The following CDKN1A variants were observed in gnomAD, a reference collection of about 807,000 sequenced individuals.
The protein encoded by CDKN1A is cyclin-dependent kinase inhibitor 1.
CDKN1A carries 14 observed loss-of-function variants against 14.8 expected under a neutral mutation model. That is an observed-to-expected ratio of 0.94 (90% CI 0.62 to 1.48). The LOEUF (loss-of-function observed/expected upper bound fraction) is 1.48, where lower values mean the gene tolerates loss of function less well. CDKN1A is among the 40% of genes most tolerant of loss of function. The pLI is 0.00. For synonymous variants in CDKN1A, 92 were observed against 93.5 expected (o/e 0.98, Z 0.09); for missense variants, 203 against 231.7 (o/e 0.88, Z 0.80).
intron 1 of CDKN1A, among the ~76,000 whole-genome samples, chr6:36,679,302 C>T (rs971052294): frequency 2.6e-5 from 4 of 152,224 alleles, no homozygotes; most frequent in African/African-American, 9.6e-5. Flanking sequence ...TCTGCGCCGC[C>T]CTGGCCCAGG....
chr6:36,677,541 T>G, upstream of CDKN1A: 1 of 284,330 alleles, frequency 3.5e-6, no homozygotes, highest in Non-Finnish European at 6.9e-6. Flanking sequence ...AGGTCAGGGG[T>G]GTGAGGTAGA....
In CDKN1A at chr6:36,686,574, T is replaced by C. The variant is rs6457937; in HGVS notation, c.*774T>C. 229,473 of 233,950 alleles carry C rather than the reference T, an allele frequency of 0.98. 112,554 individuals carry two copies. Among genetic ancestry groups the C allele is most frequent in the East Asian group, 1 (16,562 of 16,574 alleles). The allele number at this position is 233,950 out of a possible 1,614,324, so 14.5% of individuals were successfully genotyped here. A position where few individuals can be genotyped will look rare whatever the true frequency, so the allele number is the denominator to read the frequency against. ...CTTTTGAGGAGCCCCAGCTACCCTT[T>C]TTCTCCAGCTGGGCTCTGCAATTCC... On this transcript the variant is annotated 3_prime_UTR_variant, in exon 3 of 3. Transcript: ENST00000244741. The surrounding 1 kb of genome is among the most constrained non-coding windows in gnomAD (Gnocchi z 4.9).
Position 36,684,327 on chromosome 6 carries a change from C to T in CDKN1A, c.226C>T (p.Leu76Phe), listed in dbSNP as rs2150313683. Residue 76 changes from leucine (L) to phenylalanine (F), a missense_variant, in exon 2 of 3, where the codon CTC becomes TTC. Physicochemically the swap from Leu to Phe is conservative, Grantham distance 22. Coordinates refer to ENST00000244741, the MANE Select transcript of CDKN1A (RefSeq NM_000389.5). The surrounding 1 kb of genome is among the most constrained non-coding windows in gnomAD (Gnocchi z 6.0). ...TGTGCGGGGCCTTGGCCTGCCCAAG[C>T]TCTACCTTCCCACGGGGCCCCGGCG... Reference protein sequence around the residue: ...ERVRGLGLPKLYLPTGPRRGR... With the variant: ...ERVRGLGLPKFYLPTGPRRGR... 1 of 1,613,500 alleles carries T rather than the reference C, an allele frequency of 6.2e-7. No individual in the cohort carries two copies. The highest frequency in any genetic ancestry group is 8.5e-7 in the Non-Finnish European group (1 of 1,180,002).
At chr6:36,681,406 TTC>T (rs1491550511) in intron 1 of CDKN1A, among the ~76,000 whole-genome samples, 11,295 of 62,662 alleles carry the variant, frequency 0.18, 1,301 homozygotes, top group East Asian at 0.36. Context: ...TCTTTCTTTC[TTC>T]CTTTCTCTTT....
intron 1 of CDKN1A, among the ~76,000 whole-genome samples, chr6:36,679,740 C>A (rs1761840258): frequency 6.6e-6 from 1 of 152,152 alleles, no homozygotes; most frequent in Non-Finnish European, 1.5e-5. Flanking sequence ...GTCTCCTCTA[C>A]CTCTTTCCCA....
chr6:36,682,158 T>G (rs542852723), intron 1 of CDKN1A, among the ~76,000 whole-genome samples: 9 of 152,266 alleles, frequency 5.9e-5, no homozygotes, highest in Non-Finnish European at 1.5e-5. Context: ...GTTCAGATCC[T>G]GGCTGTGCCA....
intron 1 of CDKN1A, among the ~76,000 whole-genome samples, chr6:36,681,624 G>T (rs3176339): frequency 0.056 from 6,606 of 118,190 alleles, 265 homozygotes; most frequent in South Asian, 0.16. Flanking sequence ...ATGCGGTCTC[G>T]CTCTGTCACC....
intron 1 of CDKN1A, among the ~76,000 whole-genome samples, chr6:36,679,205 G>T (rs141423474): frequency 6.6e-4 from 101 of 152,354 alleles, no homozygotes; most frequent in African/African-American, 2.2e-3. Context: ...GATGAAGTCC[G>T]TGTCCCTGGA....
chr6:36,685,995 G>C lies in CDKN1A; in HGVS notation c.*195G>C, dbSNP rs191431994. 1.3e-5 allele frequency: 8 copies of C among 629,676 alleles called. No individual in the cohort carries two copies. In the East Asian group the frequency reaches 2.2e-4, roughly 17 times the overall value. The allele number at this position is 629,676 out of a possible 1,614,324, so 39.0% of individuals were successfully genotyped here. A position where few individuals can be genotyped will look rare whatever the true frequency, so the allele number is the denominator to read the frequency against. On this transcript the variant is annotated 3_prime_UTR_variant, in exon 3 of 3. Coordinates refer to ENST00000244741, the MANE Select transcript of CDKN1A (RefSeq NM_000389.5). Reference sequence around the variant, plus strand: ...AGAATTATTTAAACAAAAACTAGGCGGTTGAATGAGAGGTTCCTAAGAGTG... The same window carrying C: ...AGAATTATTTAAACAAAAACTAGGCCGTTGAATGAGAGGTTCCTAAGAGTG...
Position 36,686,363 on chromosome 6 carries a change from C to G in CDKN1A, c.*563C>G, listed in dbSNP as rs1762206460. 3.7e-6 allele frequency: 1 copy of G among 270,726 alleles called. No individual in the cohort carries two copies. The highest frequency in any genetic ancestry group is 5.4e-5 in the East Asian group (1 of 18,494). The allele number at this position is 270,726 out of a possible 1,614,324, so 16.8% of individuals were successfully genotyped here. ...TTGGGCAGGGTGACCCTGAAGTGAG[C>G]ACAGCCTAGGGCTGAGCTGGGGACC... On this transcript the variant is annotated 3_prime_UTR_variant, in exon 3 of 3. Coordinates refer to ENST00000244741, the MANE Select transcript of CDKN1A (RefSeq NM_000389.5). This position sits in a 1 kb window ranked among gnomAD's most constrained non-coding sequence, Gnocchi z 4.9.
rs866234145 is a variant in CDKN1A at position 36,681,404 on chromosome 6, T to C, written c.-6+2606T>C. Among the ~76,000 whole-genome samples, 592 of 90,350 alleles carry C rather than the reference T, an allele frequency of 6.6e-3. 11 individuals are homozygous for C. The highest frequency in any genetic ancestry group is 0.02 in the African/African-American group (410 of 20,524). 59.3% of individuals were successfully genotyped at this position (90,350 alleles called of 152,430 possible). A position where few individuals can be genotyped will look rare whatever the true frequency, so the allele number is the denominator to read the frequency against. On this transcript the variant is annotated intron_variant, in intron 1 of 2. Coordinates refer to ENST00000244741, the MANE Select transcript of CDKN1A (RefSeq NM_000389.5). ...TTCTTTCTTTCTTTCTTTCTTTCTT[T>C]CTTCCTTTCTCTTTCTCTCTTTCTT...
upstream of CDKN1A, chr6:36,678,573 C>A: frequency 1.2e-6 from 1 of 800,256 alleles, no homozygotes; most frequent in Non-Finnish European, 1.5e-6. This position sits in a 1 kb window ranked among gnomAD's most constrained non-coding sequence, Gnocchi z 5.7. Flanking sequence ...GCTCAGCTGG[C>A]TCGGCGCTGG....
rs3176324 is a variant in CDKN1A, at chr6:36,679,173, C to A, written c.-6+375C>A. On this transcript the variant is annotated intron_variant, in intron 1 of 2. Coordinates refer to ENST00000244741, the MANE Select transcript of CDKN1A (RefSeq NM_000389.5). ...GCTGCGGTTGGCTCCAGGCCCCAGG[C>A]GCAGTTTGCTCGCGGCGTGGGGATG... Among the ~76,000 whole-genome samples, 613 of 152,316 alleles carry A rather than the reference C, an allele frequency of 4.0e-3. 9 individuals carry two copies. The highest frequency in any genetic ancestry group is 0.014 in the African/African-American group (583 of 41,574).
rs566731902 is a variant in CDKN1A, at chr6:36,679,987, GC to G, written c.-6+1190del. On this transcript the variant is annotated intron_variant, in intron 1 of 2. Transcript: ENST00000244741. ...CTACAGGGCTGAGCGGAGCAGGGGG[GC>G]GAGTCGCCCCCTGGGGCGCCGCCGC... Among the ~76,000 whole-genome samples the G allele has an allele frequency of 5.3e-5, 8 of 152,286 alleles. No individual in the cohort carries two copies. The South Asian group carries it at 1.7e-3, about 32-fold the overall frequency.
intron 1 of CDKN1A, among the ~76,000 whole-genome samples, chr6:36,682,437 CAG>C (rs1582576838): frequency 1.3e-5 from 2 of 152,194 alleles, no homozygotes; most frequent in Admixed American, 6.5e-5. Flanking sequence ...CTGTATGACT[CAG>C]GGGCAAGTCT....
rs1762185959 is a variant in CDKN1A at position 36,685,836 on chromosome 6, A to G, written c.*36A>G. The G allele has an allele frequency of 2.6e-6, 4 of 1,565,904 alleles. No individual in the cohort carries two copies. The highest frequency in any genetic ancestry group is 3.5e-6 in the Non-Finnish European group (4 of 1,136,698). On this transcript the variant is annotated 3_prime_UTR_variant, in exon 3 of 3. Coordinates refer to ENST00000244741, the MANE Select transcript of CDKN1A (RefSeq NM_000389.5). Reference sequence around the variant, plus strand: ...GGAAGCCTGCAGTCCTGGAAGCGCGAGGGCCTCAAAGGCCCGCTCTACATC... The same window carrying G: ...GGAAGCCTGCAGTCCTGGAAGCGCGGGGGCCTCAAAGGCCCGCTCTACATC...
upstream of CDKN1A, among the ~76,000 whole-genome samples, chr6:36,677,214 C>T (rs1376918324): frequency 6.6e-6 from 1 of 152,124 alleles, no homozygotes; most frequent in Non-Finnish European, 1.5e-5. Context: ...TGGCCTGACT[C>T]CAGGGCGAGG....
chr6:36,679,166 C>T (rs1337441031), intron 1 of CDKN1A, among the ~76,000 whole-genome samples: 1 of 152,178 alleles, frequency 6.6e-6, no homozygotes, highest in African/African-American at 2.4e-5. Flanking sequence ...TGGCTCCAGG[C>T]CCCAGGCGCA....
At chr6:36,681,396 TCTTTCTTTCTTC>T (rs1170360930) in intron 1 of CDKN1A, among the ~76,000 whole-genome samples, 2 of 108,248 alleles carry the variant, frequency 1.8e-5, no homozygotes, top group African/African-American at 7.6e-5. Flanking sequence ...TTTCTTTCTT[TCTTTCTTTCTTC>T]CTTTCTCTTT....
Sources: gnomAD v4.1 joint callset for allele counts (sites outside exome capture counted in the v4.1 genomes callset) on GRCh38, gnomAD v4.1.1 for gene constraint, Gnocchi (gnomAD v3.1) non-coding constraint, MANE v1.5 for transcripts, NCBI Gene and HGNC (gene_info 2026-07-23, HGNC 2026-07-21) for gene names.